FNIP1: variants seen among roughly 807,000 people sequenced by gnomAD.
FNIP1 encodes folliculin interacting protein 1.
A neutral mutation model predicts 124.5 loss-of-function variants in FNIP1; 40 were observed. The ratio of observed to expected loss-of-function variants is 0.32; its 90% CI spans 0.25 to 0.42. FNIP1 has a LOEUF of 0.42. Among genes scored for constraint, FNIP1 ranks in the 10% least tolerant of loss-of-function variants. The pLI is 1.00. For missense variants in FNIP1, 1,176 were observed against 1,403.7 expected (o/e 0.84, Z 2.59); for synonymous variants, 472 against 470.6 (o/e 1.00, Z -0.04).
intron 1 of FNIP1, among the ~76,000 whole-genome samples, chr5:131,751,603 G>C: frequency 6.6e-6 from 1 of 151,160 alleles, no homozygotes; most frequent in East Asian, 1.9e-4. Context: ...AAAAACAAAT[G>C]TGCTTTCTTT....
intron 7 of FNIP1, 34 bp from the exon 8 acceptor site, chr5:131,709,306 T>C: frequency 6.4e-7 from 1 of 1,564,380 alleles, no homozygotes; most frequent in African/African-American, 1.4e-5. Context: ...AGTTATAAAA[T>C]ATATTGCTAT....
chr5:131,641,783 CATTTGAGAAATGTATACAGA>C lies in FNIP1; in HGVS notation c.*2882_*2901del, dbSNP rs1766726649. Reference sequence around the variant, plus strand: ...GGGAGGTTATTATAATACAAGTGTACATTTGAGAAATGTATACAGAACAAGAAACAGCTATGTACATATCC... The same window carrying C: ...GGGAGGTTATTATAATACAAGTGTACACAAGAAACAGCTATGTACATATCC... On this transcript the variant is annotated 3_prime_UTR_variant, in exon 18 of 18. Transcript: ENST00000510461. 6.6e-6 allele frequency: 1 copy of C among 152,670 alleles called. No individual in the cohort carries two copies. The highest frequency in any genetic ancestry group is 2.1e-4 in the South Asian group (1 of 4,830). The allele number at this position is 152,670 out of a possible 1,614,324, so 9.5% of individuals were successfully genotyped here. A position where few individuals can be genotyped will look rare whatever the true frequency, so the allele number is the denominator to read the frequency against.
intron 11 of FNIP1, among the ~76,000 whole-genome samples, chr5:131,693,345 T>TATATAC (rs1768573700): frequency 1.5e-5 from 2 of 130,558 alleles, no homozygotes; most frequent in Non-Finnish European, 3.2e-5. Flanking sequence ...TATATATATA[T>TATATAC]ATATATATAT....
chr5:131,743,683 G>A (rs1210308524), intron 2 of FNIP1, among the ~76,000 whole-genome samples: 2 of 152,110 alleles, frequency 1.3e-5, no homozygotes, highest in African/African-American at 4.8e-5. Flanking sequence ...TCATGAATGG[G>A]GTTGGTGTCC....
intron 6 of FNIP1, among the ~76,000 whole-genome samples, chr5:131,715,286 G>T (rs1769430275): frequency 6.6e-6 from 1 of 152,164 alleles, no homozygotes; most frequent in Non-Finnish European, 1.5e-5. Flanking sequence ...AGGAGTTCGA[G>T]AACAGCCTGG....
At chr5:131,658,907 C>CAAA (rs70974003) in intron 15 of FNIP1, among the ~76,000 whole-genome samples, 458 of 41,118 alleles carry the variant, frequency 0.011, 88 homozygotes, top group African/African-American at 0.038. Context: ...TGGGTCTAGC[C>CAAA]AAAAAAAAAA....
At chr5:131,723,051 A>G (rs912904256) in intron 3 of FNIP1, among the ~76,000 whole-genome samples, 3 of 152,160 alleles carry the variant, frequency 2.0e-5, no homozygotes, top group Non-Finnish European at 2.9e-5. Flanking sequence ...CAAAGCAACT[A>G]ATTTATTCTT....
At chr5:131,763,195 T>C (rs776856713) in intron 1 of FNIP1, among the ~76,000 whole-genome samples, 1 of 152,100 alleles carries the variant, frequency 6.6e-6, no homozygotes, top group Non-Finnish European at 1.5e-5. Flanking sequence ...AAAGGGTAAA[T>C]GCTTGAGGAG....
chr5:131,667,315 T>C (rs993763988), intron 15 of FNIP1, among the ~76,000 whole-genome samples: 6 of 152,230 alleles, frequency 3.9e-5, no homozygotes, highest in Non-Finnish European at 1.5e-5. Flanking sequence ...AAATATTTAT[T>C]TGATTGGTAT....
intron 1 of FNIP1, among the ~76,000 whole-genome samples, chr5:131,745,942 T>C (rs1158242432): frequency 6.6e-6 from 1 of 152,190 alleles, no homozygotes; most frequent in Non-Finnish European, 1.5e-5. Flanking sequence ...GAGGGAAAAG[T>C]GTAACCAGAA....
intron 11 of FNIP1, among the ~76,000 whole-genome samples, chr5:131,689,152 C>CG (rs1768390194): frequency 7.1e-6 from 1 of 140,062 alleles, no homozygotes. Context: ...AGAAACTATG[C>CG]AAAAAAAAAA....
At chr5:131,681,474 G>C (rs529454004) in intron 11 of FNIP1, among the ~76,000 whole-genome samples, 1 of 152,020 alleles carries the variant, frequency 6.6e-6, no homozygotes, top group South Asian at 2.1e-4. Flanking sequence ...AAAAAGACAA[G>C]AACAGAAACA....
At chr5:131,749,652 A>G (rs1315994774) in intron 1 of FNIP1, among the ~76,000 whole-genome samples, 1 of 152,082 alleles carries the variant, frequency 6.6e-6, no homozygotes, top group African/African-American at 2.4e-5. Flanking sequence ...TCGGCCTCCC[A>G]AAGTGCTGGG....
At chr5:131,704,358 C>CA in intron 9 of FNIP1, 92 bp from the exon 10 acceptor site, 1 of 1,073,280 alleles carries the variant, frequency 9.3e-7, no homozygotes, top group East Asian at 2.6e-5. Flanking sequence ...TAAGCTAAGT[C>CA]TTTTGCTGTT....
intron 5 of FNIP1, among the ~76,000 whole-genome samples, chr5:131,717,229 C>A (rs1406759093): frequency 6.6e-6 from 1 of 150,390 alleles, no homozygotes; most frequent in Non-Finnish European, 1.5e-5. Flanking sequence ...TGAGTGAGAA[C>A]ATGTGGTGTT....
At chr5:131,748,202 T>C (rs1275285893) in intron 1 of FNIP1, among the ~76,000 whole-genome samples, 1 of 152,114 alleles carries the variant, frequency 6.6e-6, no homozygotes, top group African/African-American at 2.4e-5. Flanking sequence ...AAACTGTATA[T>C]ATGATGGTGG....
In FNIP1 at chr5:131,725,929, A is replaced by G. The variant is rs374716105; in HGVS notation, c.354+4975T>C. On this transcript the variant is annotated intron_variant, in intron 3 of 17. Coordinates refer to ENST00000510461, the MANE Select transcript of FNIP1 (RefSeq NM_133372.3). ...GATAGGGTGTTGAATTTTATCGAAG[A>G]CCTTTTCTGCATCTGAGATAATCAT... 1.3e-4 allele frequency among the ~76,000 whole-genome samples: 20 copies of G among 152,004 alleles called. 1 individual carries two copies. The highest frequency in any genetic ancestry group is 9.7e-4 in the East Asian group (5 of 5,180).
intron 17 of FNIP1, among the ~76,000 whole-genome samples, chr5:131,646,820 A>G (rs1055298557): frequency 6.6e-6 from 1 of 152,218 alleles, no homozygotes; most frequent in Admixed American, 6.5e-5. Context: ...ATGAGTATGT[A>G]CTTATGTTTC....
At chr5:131,783,308 G>A (rs137985897) in intron 1 of FNIP1, among the ~76,000 whole-genome samples, 3 of 152,052 alleles carry the variant, frequency 2.0e-5, no homozygotes, top group Non-Finnish European at 4.4e-5. Context: ...AGAGAATTAT[G>A]AAAAGGAATA....
Sources: allele counts gnomAD v4.1 joint callset (sites outside exome capture counted in the v4.1 genomes callset), GRCh38; gene constraint gnomAD v4.1.1; transcripts MANE v1.5; gene names NCBI Gene and HGNC (gene_info 2026-07-23, HGNC 2026-07-21).